Variants in RAPGEF4 observed in about 807,000 individuals in gnomAD.
RAPGEF4 encodes the protein RAP guanine-nucleotide-exchange factor (GEF) 4.
Under a neutral mutation model 147.9 loss-of-function variants are expected in RAPGEF4, and 66 were observed. The observed-to-expected ratio is 0.45, with a 90% confidence interval of 0.37 to 0.55. The LOEUF is 0.55. Ranked by LOEUF, RAPGEF4 falls within the 20% of genes least tolerant of loss-of-function variation. The pLI is 0.00. For missense variants in RAPGEF4, 1,071 were observed against 1,257.3 expected, an observed-to-expected ratio of 0.85 and a Z score of 2.24; for synonymous variants, 419 against 442.7, an observed-to-expected ratio of 0.95 and a Z score of 0.67.
At chr2:172,913,304 G>C (rs1683661004) in intron 4 of RAPGEF4, among the ~76,000 whole-genome samples, 1 of 152,094 alleles carries the variant, frequency 6.6e-6, no homozygotes, top group African/African-American at 2.4e-5. Context: ...TCACTTTCAG[G>C]TATCAAATTC....
At chr2:172,822,749 G>A (rs529727149) in intron 4 of RAPGEF4, among the ~76,000 whole-genome samples, 1 of 152,264 alleles carries the variant, frequency 6.6e-6, no homozygotes, top group Admixed American at 6.5e-5. Context: ...CCTTGGCCGT[G>A]CACTAGCCAG....
At chr2:172,767,178 A>AT (rs530659614) in intron 1 of RAPGEF4, among the ~76,000 whole-genome samples, 5,043 of 136,960 alleles carry the variant, frequency 0.037, 288 homozygotes, top group African/African-American at 0.11. Flanking sequence ...TAAACACTCT[A>AT]TTTTTTTTTT....
intron 10 of RAPGEF4, among the ~76,000 whole-genome samples, chr2:172,973,444 A>G (rs1214455739): frequency 6.6e-6 from 1 of 152,214 alleles, no homozygotes; most frequent in East Asian, 1.9e-4. Flanking sequence ...AAAAAATAAT[A>G]TTTTAATACT....
chr2:172,968,057 T>G (rs967693386), intron 10 of RAPGEF4, among the ~76,000 whole-genome samples: 3 of 152,202 alleles, frequency 2.0e-5, no homozygotes, highest in African/African-American at 7.2e-5. Context: ...TCTGAAATGT[T>G]TAATCAGATC....
intron 1 of RAPGEF4, among the ~76,000 whole-genome samples, chr2:172,775,682 A>G (rs983539663): frequency 6.6e-6 from 1 of 152,104 alleles, no homozygotes; most frequent in Non-Finnish European, 1.5e-5. Context: ...AATGAGGTAT[A>G]TTAGACTCAG....
At chr2:172,817,206 C>T (rs1397432351) in intron 4 of RAPGEF4, among the ~76,000 whole-genome samples, 1 of 152,100 alleles carries the variant, frequency 6.6e-6, no homozygotes, top group East Asian at 1.9e-4. Context: ...AATATATATG[C>T]TTCTGCTCTC....
chr2:173,009,476 T>A (rs146232934), intron 17 of RAPGEF4, among the ~76,000 whole-genome samples: 1 of 152,374 alleles, frequency 6.6e-6, no homozygotes. Context: ...TGAGAAATAC[T>A]TTATTACAGT....
rs13402426 is a variant in RAPGEF4 at position 172,778,931 on chromosome 2, G to A, written c.66-16094G>A. On this transcript the variant is annotated intron_variant, in intron 1 of 30. Coordinates refer to ENST00000397081, the MANE Select transcript of RAPGEF4 (RefSeq NM_007023.4). ...GCTTATTTATTTTATTGAGAACACT[G>A]GTATTCTGAGGAGTTATTATTACTG... Among the ~76,000 whole-genome samples, 754 of 152,150 alleles carry A rather than the reference G, an allele frequency of 5.0e-3. 12 individuals are homozygous for A. The highest frequency in any genetic ancestry group is 0.017 in the African/African-American group (693 of 41,530).
In RAPGEF4 at chr2:172,833,538, C is replaced by G. The variant is rs180751009; in HGVS notation, c.444+19113C>G. Among the ~76,000 whole-genome samples, 879 of 152,212 alleles carry G rather than the reference C, an allele frequency of 5.8e-3. 9 individuals carry two copies. The highest frequency in any genetic ancestry group is 0.021 in the African/African-American group (852 of 41,528). ...ACTTCGCTTTGTATTTCCCTAATCACGCATCTTTTAAATATTTCTTGGCAG... is the reference window on the plus strand; with the variant it reads ...ACTTCGCTTTGTATTTCCCTAATCAGGCATCTTTTAAATATTTCTTGGCAG... On this transcript the variant is annotated intron_variant, in intron 4 of 30. Transcript: ENST00000397081.
intron 6 of RAPGEF4, among the ~76,000 whole-genome samples, chr2:172,922,987 T>C (rs537861821): frequency 6.6e-6 from 1 of 152,346 alleles, no homozygotes; most frequent in South Asian, 2.1e-4. Flanking sequence ...CAGTGCTTGG[T>C]TGGCTTTCAG....
chr2:172,896,275 A>G (rs1018033718), intron 4 of RAPGEF4, among the ~76,000 whole-genome samples: 1 of 152,316 alleles, frequency 6.6e-6, no homozygotes, highest in Admixed American at 6.5e-5. Flanking sequence ...TAGAATTTAC[A>G]AGAAGATTTA....
chr2:172,920,561 A>G (rs560988136), intron 5 of RAPGEF4, among the ~76,000 whole-genome samples: 6 of 152,158 alleles, frequency 3.9e-5, no homozygotes, highest in Admixed American at 2.0e-4. Flanking sequence ...AAACCTTTCA[A>G]TGATCATCCA....
chr2:172,897,732 CTATTT>C (rs71018523), intron 4 of RAPGEF4, among the ~76,000 whole-genome samples: 17 of 134,174 alleles, frequency 1.3e-4, no homozygotes, highest in South Asian at 4.8e-4. Context: ...GAGTTTTCAT[CTATTT>C]TATTTTATTT....
Position 172,958,721 on chromosome 2 carries a change from G to A in RAPGEF4, c.538-2039G>A, listed in dbSNP as rs1167034511. ...CTGTGCTACAGTGATTTCAAGAGGG[G>A]AAAAAAGTCTGCTAGATGCCAGCGA... On this transcript the variant is annotated intron_variant, in intron 6 of 30. Coordinates refer to ENST00000397081, the MANE Select transcript of RAPGEF4 (RefSeq NM_007023.4). Among the ~76,000 whole-genome samples the A allele has an allele frequency of 3.9e-5, 6 of 152,162 alleles. No individual in the cohort carries two copies. In the East Asian group the frequency reaches 1.2e-3, roughly 29 times the overall value.
intron 14 of RAPGEF4, among the ~76,000 whole-genome samples, chr2:172,990,017 C>CAAAAAAAAAAAAA (rs10689863): frequency 7.8e-6 from 1 of 128,936 alleles, no homozygotes. Flanking sequence ...GGTCTTAATG[C>CAAAAAAAAAAAAA]AAAAAAAAAA....
At chr2:172,743,382 C>G (rs2149423197) in intron 1 of RAPGEF4, among the ~76,000 whole-genome samples, 1 of 152,276 alleles carries the variant, frequency 6.6e-6, no homozygotes, top group South Asian at 2.1e-4. Flanking sequence ...TCCCCTGCCC[C>G]AGAAGAAACA....
chr2:173,025,597 T>C (rs1375572677), intron 23 of RAPGEF4, among the ~76,000 whole-genome samples: 1 of 152,088 alleles, frequency 6.6e-6, no homozygotes, highest in Non-Finnish European at 1.5e-5. Flanking sequence ...TACATGCCAC[T>C]ACGCCCAGCT....
rs150757201 is a variant in RAPGEF4, at chr2:172,899,714, A to G, written c.445-18088A>G. On this transcript the variant is annotated intron_variant, in intron 4 of 30. Coordinates refer to ENST00000397081, the MANE Select transcript of RAPGEF4 (RefSeq NM_007023.4). ...GAAGAGATTTAGCAACAGTGAAAGAACAAAAAATCGGACAGCTGATAGCAT... is the reference window on the plus strand; with the variant it reads ...GAAGAGATTTAGCAACAGTGAAAGAGCAAAAAATCGGACAGCTGATAGCAT... Among the ~76,000 whole-genome samples, 264 of 152,274 alleles carry G rather than the reference A, an allele frequency of 1.7e-3. 6 individuals carry two copies. Among genetic ancestry groups the G allele is most frequent in the African/African-American group, 6.0e-3 (249 of 41,556 alleles).
At chr2:172,887,993 G>C (rs1161611621) in intron 4 of RAPGEF4, among the ~76,000 whole-genome samples, 1 of 151,982 alleles carries the variant, frequency 6.6e-6, no homozygotes, top group African/African-American at 2.4e-5. Context: ...TCACATTCTT[G>C]TGTTTATCTC....
Sources: gnomAD v4.1 joint callset for allele counts (sites outside exome capture counted in the v4.1 genomes callset) on GRCh38, gnomAD v4.1.1 for gene constraint, MANE v1.5 for transcripts, NCBI Gene and HGNC (gene_info 2026-07-23, HGNC 2026-07-21) for gene names.